HNRNPUL1: variants seen among roughly 807,000 people sequenced by gnomAD.
HNRNPUL1 encodes heterogeneous nuclear ribonucleoprotein U like 1.
In HNRNPUL1, 14 loss-of-function variants were observed where a neutral mutation model predicts 108.5. The observed-to-expected ratio is 0.13, with a 90% CI of 0.09 to 0.20. HNRNPUL1 has a LOEUF of 0.20. Ranked by LOEUF, HNRNPUL1 falls within the 10% of genes least tolerant of loss-of-function variation. The pLI, the probability that HNRNPUL1 is intolerant of heterozygous loss-of-function variation, is 1.00. For missense variants in HNRNPUL1, 804 were observed against 1,168.3 expected (o/e 0.69, Z 4.55); for synonymous variants, 422 against 445.2 (o/e 0.95, Z 0.66).
At chr19:41,271,453 G>A (rs1050380526) in intron 2 of HNRNPUL1, among the ~76,000 whole-genome samples, 1 of 152,198 alleles carries the variant, frequency 6.6e-6, no homozygotes, top group African/African-American at 2.4e-5. Context: ...CGAAGCTGGG[G>A]AGTGATCCAA....
chr19:41,288,459 G>A (rs140723042), intron 7 of HNRNPUL1, among the ~76,000 whole-genome samples: 1 of 151,992 alleles, frequency 6.6e-6, no homozygotes, highest in African/African-American at 2.4e-5. Flanking sequence ...GGTCAGGCTG[G>A]TCTCGAACTC....
At chr19:41,297,382 A>T (rs1338160398) in intron 10 of HNRNPUL1, among the ~76,000 whole-genome samples, 1 of 152,180 alleles carries the variant, frequency 6.6e-6, no homozygotes, top group Non-Finnish European at 1.5e-5. Context: ...GTGGGGAGTC[A>T]TGGTTAGGTT....
At position 41,305,833 on chromosome 19, in the gene HNRNPUL1, C is replaced by A. The variant is rs149475676; in HGVS notation, c.2420C>A (p.Thr807Asn). Residue 807 changes from threonine (T) to asparagine (N), a missense_variant, in exon 14 of 15, where the codon ACC becomes AAC. Transcript: ENST00000392006. ...CCACCGCCACCCCCCACTGCACAGA[C>A]CTACCCTCAGCCCAGCTATAACCAG... Reference protein sequence around the residue: ...YTPPPPPTAQTYPQPSYNQYQ... With the variant: ...YTPPPPPTAQNYPQPSYNQYQ... 23 of 1,605,884 alleles carry A rather than the reference C, an allele frequency of 1.4e-5. No homozygotes were observed. The highest frequency in any genetic ancestry group is 1.9e-5 in the Non-Finnish European group (22 of 1,175,036).
At chr19:41,291,038 T>C (rs2036546696) in intron 7 of HNRNPUL1, among the ~76,000 whole-genome samples, 1 of 152,128 alleles carries the variant, frequency 6.6e-6, no homozygotes, top group African/African-American at 2.4e-5. Flanking sequence ...AAGAGTGAAA[T>C]TCCGTCTCAA....
At position 41,291,768 on chromosome 19, in the gene HNRNPUL1, A is replaced by G. The variant is rs138275280; in HGVS notation, c.1000-477A>G. ...CAGGCCAAGGTGGGAAGATCACTTG[A>G]GTCCAGGATTTCAAGACCAGCCTGG... On this transcript the variant is annotated intron_variant, in intron 7 of 14. Transcript: ENST00000392006. The G allele has an allele frequency of 2.1e-4, 34 of 160,384 alleles. No individual in the cohort carries two copies. In the East Asian group the frequency reaches 3.9e-3, roughly 18 times the overall value. 9.9% of individuals were successfully genotyped at this position (160,384 alleles called of 1,614,324 possible).
chr19:41,294,497 A>G lies in HNRNPUL1; in HGVS notation c.1389+37A>G. The G allele has an allele frequency of 1.9e-6, 3 of 1,614,028 alleles. No individual in the cohort carries two copies. Among genetic ancestry groups the G allele is most frequent in the African/African-American group, 1.3e-5 (1 of 75,038 alleles). The stretch of plus-strand genomic sequence containing the variant: ...CACTGGACTCTCCTTACTCACCTCC[A>G]ACCTACTGAGTGCTGCCCTGCAACT... On this transcript the variant is annotated intron_variant, in intron 9 of 14. Coordinates refer to ENST00000392006, the MANE Select transcript of HNRNPUL1 (RefSeq NM_007040.6). The surrounding 1 kb of genome is among the most constrained non-coding windows in gnomAD (Gnocchi z 4.3).
chr19:41,280,865 C>G, intron 6 of HNRNPUL1: 1 of 319,582 alleles, frequency 3.1e-6, no homozygotes, highest in Non-Finnish European at 6.1e-6. Context: ...AGCCATTCTC[C>G]TCCATCCCAA....
intron 10 of HNRNPUL1, chr19:41,298,486 C>T (rs2037014558): frequency 1.3e-5 from 2 of 152,254 alleles, no homozygotes; most frequent in African/African-American, 2.4e-5. Context: ...GGGGCTGTGA[C>T]CTCACTGTGT....
intron 10 of HNRNPUL1, among the ~76,000 whole-genome samples, chr19:41,300,099 C>T (rs906297459): frequency 2.6e-5 from 4 of 152,080 alleles, no homozygotes; most frequent in African/African-American, 9.7e-5. Context: ...TGTCTTCTGC[C>T]CTGGAGGCCA....
At chr19:41,301,468 T>C in intron 10 of HNRNPUL1, 68 bp from the exon 11 acceptor site, 1 of 1,367,354 alleles carries the variant, frequency 7.3e-7, no homozygotes, top group South Asian at 1.3e-5. Flanking sequence ...GCCTACATAA[T>C]ACCCCTCAGA....
In HNRNPUL1 at chr19:41,264,567, A is replaced by C. The variant is rs1436292174; in HGVS notation, c.64A>C (p.Thr22Pro). The C allele has an allele frequency of 4.5e-6, 7 of 1,545,384 alleles. No individual in the cohort carries two copies. Among genetic ancestry groups the C allele is most frequent in the Non-Finnish European group, 5.2e-6 (6 of 1,151,490 alleles). ...GGAGCTGCAGCGCCGCGGCCTGGAC[A>C]CTCGAGGCCTCAAGGCCGAGCTTGC... ...REELQRRGLDTRGLKAELAER... is the reference protein window; with the variant it reads ...REELQRRGLDPRGLKAELAER... The change falls in exon 1 of 15, where the codon ACT becomes CCT. Residue 22 changes from threonine (T) to proline (P), a missense_variant. By Grantham distance (38) the Thr-to-Pro change is conservative. This residue lies in a region of HNRNPUL1 where 256 missense variants were observed against 261.6 expected (regional missense o/e 0.98). Transcript: ENST00000392006.
intron 2 of HNRNPUL1, among the ~76,000 whole-genome samples, chr19:41,269,346 T>A (rs753138675): frequency 6.6e-6 from 1 of 151,674 alleles, no homozygotes; most frequent in Admixed American, 6.6e-5. Context: ...ACTGACTACA[T>A]GCACACACCT....
At chr19:41,295,224 C>A (rs1388506296) in intron 10 of HNRNPUL1, among the ~76,000 whole-genome samples, 1 of 152,198 alleles carries the variant, frequency 6.6e-6, no homozygotes, top group African/African-American at 2.4e-5. Context: ...ATTTTCTCTT[C>A]ACAAATACGT....
intron 4 of HNRNPUL1, among the ~76,000 whole-genome samples, chr19:41,275,786 C>G (rs2035516093): frequency 6.6e-6 from 1 of 152,184 alleles, no homozygotes; most frequent in African/African-American, 2.4e-5. Flanking sequence ...TTCCCTCTGC[C>G]TGCTTCTTTC....
Position 41,265,479 on chromosome 19 carries a change from C to G in HNRNPUL1, c.295+681C>G, listed in dbSNP as rs2122362375. 3 of 1,170,698 alleles carry G rather than the reference C, an allele frequency of 2.6e-6. No homozygotes were observed. The East Asian group carries it at 8.8e-5, about 34-fold the overall frequency. 72.5% of individuals were successfully genotyped at this position (1,170,698 alleles called of 1,614,324 possible). A position where few individuals can be genotyped will look rare whatever the true frequency, so the allele number is the denominator to read the frequency against. On this transcript the variant is annotated intron_variant, in intron 1 of 14. Transcript: ENST00000392006. The stretch of plus-strand genomic sequence containing the variant: ...ATTGAACTAGGGGGCACCCCCATCT[C>G]TCTTCCGGGGCTGGAAGGCCACCCT...
chr19:41,280,741 G>A (rs1465268248), intron 6 of HNRNPUL1, among the ~76,000 whole-genome samples: 27 of 152,138 alleles, frequency 1.8e-4, no homozygotes, highest in Non-Finnish European at 1.6e-4. Context: ...ACCTTTCCCA[G>A]GGGTCAGTCC....
chr19:41,287,707 G>A (rs905569263), intron 7 of HNRNPUL1, among the ~76,000 whole-genome samples: 15 of 151,806 alleles, frequency 9.9e-5, no homozygotes, highest in African/African-American at 3.6e-4. Context: ...CTACAGGTAC[G>A]CGCCACCACA....
intron 1 of HNRNPUL1, among the ~76,000 whole-genome samples, chr19:41,265,522 G>C (rs1368923594): frequency 6.6e-6 from 1 of 152,180 alleles, no homozygotes. Flanking sequence ...GGCACAGCCT[G>C]GACATTAGGT....
In HNRNPUL1 at chr19:41,294,569, A is replaced by G; in HGVS notation, c.1401A>G (p.Leu467=). 1.2e-6 allele frequency: 2 copies of G among 1,614,130 alleles called. No individual in the cohort carries two copies. Among genetic ancestry groups the G allele is most frequent in the Non-Finnish European group, 1.7e-6 (2 of 1,180,016 alleles). The change falls in exon 10 of 15, where the codon CTA becomes CTG. Residue 467 remains leucine, a synonymous_variant. Transcript: ENST00000392006. The surrounding 1 kb of genome is among the most constrained non-coding windows in gnomAD (Gnocchi z 4.3). ...AIMDKMRVMG[L]RRQRNYAGRW... ...ATTCCTGCCCGCAGGTGATGGGCCT[A>G]CGCCGGCAGCGGAACTATGCTGGCC...
Sources: gnomAD v4.1 joint callset for allele counts (sites outside exome capture counted in the v4.1 genomes callset) on GRCh38, gnomAD v4.1.1 for gene constraint, gnomAD v4.1.1 regional missense constraint, Gnocchi (gnomAD v3.1) non-coding constraint, MANE v1.5 for transcripts, NCBI Gene and HGNC (gene_info 2026-07-23, HGNC 2026-07-21) for gene names.